Variants in JAM2 observed in about 807,000 individuals in gnomAD.
The protein encoded by JAM2 is junctional adhesion molecule 2.
In JAM2, 17 loss-of-function variants were observed where a neutral mutation model predicts 42.0. That is an observed-to-expected ratio of 0.40 (90% CI 0.28 to 0.61). JAM2 has a LOEUF of 0.61. JAM2 is among the 20% of genes least tolerant of loss of function. JAM2 has a pLI of 0.37. For synonymous variants in JAM2, 118 were observed against 128.6 expected, an observed-to-expected ratio of 0.92 and a Z score of 0.56; for missense variants, 319 against 358.3, an observed-to-expected ratio of 0.89 and a Z score of 0.89.
chr21:25,650,204 T>C (rs566456384), intron 1 of JAM2, among the ~76,000 whole-genome samples: 1 of 152,336 alleles, frequency 6.6e-6, no homozygotes, highest in East Asian at 1.9e-4. Flanking sequence ...ATTTAAACCA[T>C]TGTAGAGCCT....
chr21:25,714,770 C>G lies in JAM2; in HGVS notation c.*98C>G. On this transcript the variant is annotated 3_prime_UTR_variant, in exon 10 of 10. Transcript: ENST00000480456. ...TGTCCGACATTTGCAAAGAGGTACA[C>G]GAGGAAATGGAATTGGTATTTCATT... The G allele has an allele frequency of 1.9e-5, 14 of 746,814 alleles. No homozygotes were observed. The highest frequency in any genetic ancestry group is 2.3e-5 in the Non-Finnish European group (11 of 477,606). The allele number at this position is 746,814 out of a possible 1,614,324, so 46.3% of individuals were successfully genotyped here. A position where few individuals can be genotyped will look rare whatever the true frequency, so the allele number is the denominator to read the frequency against.
chr21:25,648,722 C>G (rs1204170824), intron 1 of JAM2, among the ~76,000 whole-genome samples: 1 of 152,174 alleles, frequency 6.6e-6, no homozygotes, highest in Non-Finnish European at 1.5e-5. Context: ...ATGGCACTTA[C>G]TGAGCTGTAC....
At chr21:25,693,429 T>G (rs2033926181) in intron 3 of JAM2, among the ~76,000 whole-genome samples, 1 of 152,086 alleles carries the variant, frequency 6.6e-6, no homozygotes, top group South Asian at 2.1e-4. Context: ...AGCTAATTTT[T>G]TGTATTTTTA....
chr21:25,706,944 T>A (rs2034284941), intron 7 of JAM2, among the ~76,000 whole-genome samples: 1 of 151,998 alleles, frequency 6.6e-6, no homozygotes, highest in Non-Finnish European at 1.5e-5. Context: ...TTCATCGTGT[T>A]AGCCGGGATG....
chr21:25,667,573 T>A (rs1257161612), intron 1 of JAM2, among the ~76,000 whole-genome samples: 4 of 152,264 alleles, frequency 2.6e-5, no homozygotes, highest in Admixed American at 2.6e-4. Context: ...ATCATAAGTA[T>A]GTTTGTATAG....
chr21:25,703,871 G>A (rs1195883393), intron 6 of JAM2, among the ~76,000 whole-genome samples: 1 of 151,602 alleles, frequency 6.6e-6, no homozygotes, highest in Admixed American at 6.6e-5. Context: ...AGAAAATGGT[G>A]AACAGGATGT....
At chr21:25,657,646 T>A (rs1231179566) in intron 1 of JAM2, among the ~76,000 whole-genome samples, 1 of 152,218 alleles carries the variant, frequency 6.6e-6, no homozygotes, top group Non-Finnish European at 1.5e-5. Flanking sequence ...AGTTCTGCCC[T>A]TAGTAATCAT....
chr21:25,712,426 GA>G (rs1372954107), intron 9 of JAM2, 44 bp downstream of exon 9: 8 of 1,339,944 alleles, frequency 6.0e-6, no homozygotes, highest in Non-Finnish European at 8.5e-6. Flanking sequence ...TATGTTTGGG[GA>G]ATAGGGCAGG....
At chr21:25,661,046 C>T (rs1351086039) in intron 1 of JAM2, among the ~76,000 whole-genome samples, 4 of 151,744 alleles carry the variant, frequency 2.6e-5, no homozygotes, top group African/African-American at 7.3e-5. Context: ...CCACCTCGGC[C>T]TCCCAGAATG....
chr21:25,688,479 C>A (rs2033805184), intron 2 of JAM2, among the ~76,000 whole-genome samples: 1 of 152,212 alleles, frequency 6.6e-6, no homozygotes, highest in Admixed American at 6.5e-5. Flanking sequence ...TCCGGAAGGT[C>A]ACCACCCATT....
intron 4 of JAM2, among the ~76,000 whole-genome samples, chr21:25,697,984 TTCTC>T (rs1295706891): frequency 7.4e-5 from 11 of 149,478 alleles, no homozygotes; most frequent in African/African-American, 1.5e-4. Context: ...CACACACACA[TTCTC>T]TCTCTCTCTC....
At chr21:25,694,673 C>T (rs1172078677) in intron 4 of JAM2, among the ~76,000 whole-genome samples, 1 of 151,186 alleles carries the variant, frequency 6.6e-6, no homozygotes, top group East Asian at 1.9e-4. Flanking sequence ...ATCGCTCTCT[C>T]TAAAAAAAAA....
At chr21:25,695,819 C>A (rs966333398) in intron 4 of JAM2, among the ~76,000 whole-genome samples, 4 of 151,524 alleles carry the variant, frequency 2.6e-5, no homozygotes, top group Admixed American at 2.6e-4. Flanking sequence ...GCGCTCCTCA[C>A]ATCCCAGACC....
intron 1 of JAM2, among the ~76,000 whole-genome samples, chr21:25,648,276 A>G (rs2032670199): frequency 6.6e-6 from 1 of 152,232 alleles, no homozygotes; most frequent in Non-Finnish European, 1.5e-5. Flanking sequence ...CAGAACTGAC[A>G]CAATGGAATA....
chr21:25,702,484 G>C (rs539703830), intron 6 of JAM2, among the ~76,000 whole-genome samples: 1 of 152,282 alleles, frequency 6.6e-6, no homozygotes, highest in South Asian at 2.1e-4. Context: ...ACTTAGTATT[G>C]TATTTAACAA....
intron 6 of JAM2, among the ~76,000 whole-genome samples, chr21:25,705,191 A>G (rs1222961364): frequency 6.6e-6 from 1 of 152,208 alleles, no homozygotes; most frequent in African/African-American, 2.4e-5. Context: ...ATAATTCAAG[A>G]AGGAACGTAT....
chr21:25,654,200 A>G (rs1411968356), intron 1 of JAM2, among the ~76,000 whole-genome samples: 1 of 152,240 alleles, frequency 6.6e-6, no homozygotes, highest in African/African-American at 2.4e-5. Context: ...TAATGAAAAA[A>G]TAATAGAATC....
intron 3 of JAM2, chr21:25,692,207 A>G (rs1218787960): frequency 6.5e-6 from 1 of 154,782 alleles, no homozygotes; most frequent in Non-Finnish European, 1.5e-5. Context: ...AGATAAAATA[A>G]CAGTCCACTT....
At chr21:25,709,532 G>T in intron 8 of JAM2, 83 bp downstream of exon 8, 1 of 913,822 alleles carries the variant, frequency 1.1e-6, no homozygotes, top group Non-Finnish European at 1.7e-6. Context: ...TCAAAAGAGA[G>T]AAGTTGGGTT....
Sources: gnomAD v4.1 joint callset for allele counts (sites outside exome capture counted in the v4.1 genomes callset) on GRCh38, gnomAD v4.1.1 for gene constraint, MANE v1.5 for transcripts, NCBI Gene and HGNC (gene_info 2026-07-23, HGNC 2026-07-21) for gene names.